IPCEF1: variants seen among roughly 807,000 people sequenced by gnomAD.
IPCEF1 encodes the protein interactor protein for cytohesin exchange factors 1.
IPCEF1 carries 31 observed loss-of-function variants against 50.9 expected under a neutral mutation model. The observed-to-expected ratio is 0.61, with a 90% CI of 0.46 to 0.82. The LOEUF is 0.82. IPCEF1 is among the 40% of genes least tolerant of loss of function. The probability of loss-of-function intolerance (pLI) is 0.00; values close to 1 mark genes in which losing one functional copy is unlikely to be tolerated. For missense variants in IPCEF1, 458 were observed against 514.0 expected, an observed-to-expected ratio of 0.89 and a Z score of 1.05; for synonymous variants, 181 against 192.0, an observed-to-expected ratio of 0.94 and a Z score of 0.47.
rs778728049 is a variant in IPCEF1 at position 154,168,319 on chromosome 6, G to T, written c.911-206C>A. On this transcript the variant is annotated intron_variant, in intron 10 of 11. Coordinates refer to ENST00000367220, the MANE Select transcript of IPCEF1 (RefSeq NM_001130700.2). This position sits in a 1 kb window ranked among gnomAD's most constrained non-coding sequence, Gnocchi z 4.1. The stretch of plus-strand genomic sequence containing the variant: ...CTGCAGAGCCACGTTCCCTGTGAAG[G>T]CACCAGGGAAGGAGTTATTCCAAGC... 1.3e-5 allele frequency among the ~76,000 whole-genome samples: 2 copies of T among 152,138 alleles called. No homozygotes were observed. Among genetic ancestry groups the T allele is most frequent in the Non-Finnish European group, 2.9e-5 (2 of 68,018 alleles).
At chr6:154,256,535 C>A (rs1781464970) in intron 3 of IPCEF1, among the ~76,000 whole-genome samples, 2 of 132,712 alleles carry the variant, frequency 1.5e-5, no homozygotes, top group South Asian at 4.7e-4. Context: ...GTCTCTGTCT[C>A]CGTCTCTCTC....
At chr6:154,311,887 G>A (rs1240221659) in intron 1 of IPCEF1, among the ~76,000 whole-genome samples, 1 of 152,132 alleles carries the variant, frequency 6.6e-6, no homozygotes, top group Non-Finnish European at 1.5e-5. Flanking sequence ...AAACAGTATG[G>A]AAGTTTCTCA....
chr6:154,262,208 G>A (rs910097527), intron 3 of IPCEF1, among the ~76,000 whole-genome samples: 1 of 152,186 alleles, frequency 6.6e-6, no homozygotes, highest in Non-Finnish European at 1.5e-5. Flanking sequence ...GAGTGGAGAT[G>A]GCTCATGAAA....
intron 5 of IPCEF1, among the ~76,000 whole-genome samples, chr6:154,229,093 A>G (rs1779497676): frequency 6.6e-6 from 1 of 152,170 alleles, no homozygotes; most frequent in Non-Finnish European, 1.5e-5. Context: ...CTCCAGCCCC[A>G]GGGGCGGCCC....
chr6:154,174,989 A>C (rs1394628386), intron 10 of IPCEF1, among the ~76,000 whole-genome samples: 1 of 152,248 alleles, frequency 6.6e-6, no homozygotes, highest in Non-Finnish European at 1.5e-5. Context: ...ACCACAGTGC[A>C]ATCAAATTAG....
chr6:154,164,649 T>C (rs1799285559), intron 11 of IPCEF1, among the ~76,000 whole-genome samples: 1 of 152,160 alleles, frequency 6.6e-6, no homozygotes, highest in African/African-American at 2.4e-5. Flanking sequence ...AAATAGTCAG[T>C]GTGTGGCTCG....
intron 3 of IPCEF1, among the ~76,000 whole-genome samples, chr6:154,262,072 C>A (rs11966376): frequency 0.085 from 12,977 of 152,152 alleles, 702 homozygotes; most frequent in African/African-American, 0.14. Flanking sequence ...GTAGGGTAAC[C>A]ACTGAAAAGC....
At chr6:154,292,452 G>C (rs960532131) in intron 1 of IPCEF1, among the ~76,000 whole-genome samples, 5 of 152,138 alleles carry the variant, frequency 3.3e-5, no homozygotes, top group African/African-American at 1.2e-4. Context: ...AATCGCATGA[G>C]GTAGGTTTTT....
intron 1 of IPCEF1, among the ~76,000 whole-genome samples, chr6:154,321,761 CAG>C (rs1357881617): frequency 1.4e-4 from 15 of 108,354 alleles, no homozygotes; most frequent in African/African-American, 5.3e-4. Context: ...GCCTGGGTGA[CAG>C]AGAGAGACTC....
intron 2 of IPCEF1, among the ~76,000 whole-genome samples, chr6:154,281,169 G>A (rs535604044): frequency 2.9e-4 from 33 of 115,332 alleles, no homozygotes; most frequent in Admixed American, 1.4e-3. Context: ...GTGAAACCCC[G>A]TTCCTACTAA....
chr6:154,322,854 C>G (rs1783419319), intron 1 of IPCEF1, among the ~76,000 whole-genome samples: 1 of 151,814 alleles, frequency 6.6e-6, no homozygotes, highest in Admixed American at 6.6e-5. Flanking sequence ...AAAAAATTAT[C>G]TCGAAAGAAA....
intron 9 of IPCEF1, among the ~76,000 whole-genome samples, chr6:154,210,438 C>G (rs1019764055): frequency 6.6e-6 from 1 of 152,124 alleles, no homozygotes; most frequent in African/African-American, 2.4e-5. Flanking sequence ...GAGACAAAGA[C>G]AGAGACAGAG....
intron 9 of IPCEF1, among the ~76,000 whole-genome samples, chr6:154,201,062 A>T (rs1463873700): frequency 6.6e-6 from 1 of 151,414 alleles, no homozygotes; most frequent in Admixed American, 6.6e-5. Context: ...CACCTCACTC[A>T]CTCTTTCTGC....
In IPCEF1 at chr6:154,189,906, T is replaced by G. The variant is rs552521134; in HGVS notation, c.910+9762A>C. Among the ~76,000 whole-genome samples, 3 of 151,612 alleles carry G rather than the reference T, an allele frequency of 2.0e-5. No individual in the cohort carries two copies. The East Asian group carries it at 5.8e-4, about 29-fold the overall frequency. On this transcript the variant is annotated intron_variant, in intron 10 of 11. Transcript: ENST00000367220. ...TTGCAGTGAGCCGAGAATGCACCAC[T>G]ACACTCCAGCCTGGGCGACAGAGTA...
At chr6:154,256,557 C>CTT (rs1298720716) in intron 3 of IPCEF1, among the ~76,000 whole-genome samples, 1 of 136,930 alleles carries the variant, frequency 7.3e-6, no homozygotes, top group African/African-American at 2.7e-5. Context: ...CTCTCTCTCT[C>CTT]TCTCTCTGTG....
chr6:154,282,739 A>C (rs1322990162), intron 2 of IPCEF1, among the ~76,000 whole-genome samples: 1 of 152,186 alleles, frequency 6.6e-6, no homozygotes, highest in Non-Finnish European at 1.5e-5. Flanking sequence ...TGTCACAATG[A>C]CCAATCCAGA....
intron 1 of IPCEF1, among the ~76,000 whole-genome samples, chr6:154,349,177 T>C (rs1401827316): frequency 1.3e-5 from 2 of 148,348 alleles, no homozygotes; most frequent in African/African-American, 5.1e-5. Context: ...GTTTGTATTA[T>C]TTTATCTTAT....
chr6:154,171,691 T>C (rs559436379), intron 10 of IPCEF1, among the ~76,000 whole-genome samples: 10 of 152,302 alleles, frequency 6.6e-5, no homozygotes, highest in East Asian at 3.9e-4. Context: ...TGATGCTACA[T>C]AGCAGAAATA....
At chr6:154,300,055 T>C (rs1441940730) in intron 1 of IPCEF1, among the ~76,000 whole-genome samples, 1 of 140,888 alleles carries the variant, frequency 7.1e-6, no homozygotes, top group East Asian at 2.0e-4. Flanking sequence ...CCAAGCCCCA[T>C]GCATGGAGGA....
Sources: gnomAD v4.1 joint callset for allele counts (sites outside exome capture counted in the v4.1 genomes callset) on GRCh38, gnomAD v4.1.1 for gene constraint, Gnocchi (gnomAD v3.1) non-coding constraint, MANE v1.5 for transcripts, NCBI Gene and HGNC (gene_info 2026-07-23, HGNC 2026-07-21) for gene names.